JAKMIP2: variants seen among roughly 807,000 people sequenced by gnomAD.
The protein encoded by JAKMIP2 is janus kinase and microtubule-interacting protein 2.
Under a neutral mutation model 115.0 loss-of-function variants are expected in JAKMIP2, and 25 were observed. That is an observed-to-expected ratio of 0.22 (90% CI 0.16 to 0.30). The LOEUF is 0.30. JAKMIP2 is among the 10% of genes least tolerant of loss of function. The pLI is 1.00. For missense variants in JAKMIP2, 642 were observed against 957.6 expected (o/e 0.67, Z 4.35); for synonymous variants, 334 against 343.6 (o/e 0.97, Z 0.31).
At chr5:147,685,042 TAAAAC>T (rs1258577941) in intron 1 of JAKMIP2, among the ~76,000 whole-genome samples, 1 of 152,210 alleles carries the variant, frequency 6.6e-6, no homozygotes, top group African/African-American at 2.4e-5. Context: ...ATTTCATACT[TAAAAC>T]AAGATTATGA....
At chr5:147,719,947 T>C (rs1307551938) in intron 1 of JAKMIP2, among the ~76,000 whole-genome samples, 3 of 152,212 alleles carry the variant, frequency 2.0e-5, no homozygotes, top group African/African-American at 7.2e-5. Context: ...TGAGTCTTGA[T>C]GGTCTTTACA....
At chr5:147,687,120 TACTC>T (rs1433537671) in intron 1 of JAKMIP2, among the ~76,000 whole-genome samples, 2 of 152,198 alleles carry the variant, frequency 1.3e-5, no homozygotes, top group African/African-American at 2.4e-5. Context: ...TTCATCCACT[TACTC>T]ACCTCCTACT....
chr5:147,748,631 T>C (rs958994015), intron 1 of JAKMIP2, among the ~76,000 whole-genome samples: 21 of 152,294 alleles, frequency 1.4e-4, no homozygotes, highest in Non-Finnish European at 2.4e-4. Flanking sequence ...AGATGCTGTC[T>C]TTCCTTTTCT....
intron 18 of JAKMIP2, among the ~76,000 whole-genome samples, chr5:147,618,425 A>C (rs1581298682): frequency 6.9e-6 from 1 of 144,198 alleles, no homozygotes; most frequent in African/African-American, 2.9e-5. Context: ...GCTGAGAATA[A>C]GTGTGTTCTC....
chr5:147,772,002 TG>T (rs1489243245), intron 1 of JAKMIP2, among the ~76,000 whole-genome samples: 3 of 152,196 alleles, frequency 2.0e-5, no homozygotes, highest in East Asian at 3.9e-4. Flanking sequence ...ATAGATTTGC[TG>T]GCACAAATTA....
chr5:147,701,042 G>T (rs1040070524), intron 1 of JAKMIP2, among the ~76,000 whole-genome samples: 5 of 152,104 alleles, frequency 3.3e-5, no homozygotes, highest in Admixed American at 3.3e-4. Flanking sequence ...GTAGAGTCCT[G>T]TAGGCTATGG....
chr5:147,768,339 AC>A (rs1755225616), intron 1 of JAKMIP2, among the ~76,000 whole-genome samples: 1 of 152,154 alleles, frequency 6.6e-6, no homozygotes, highest in Admixed American at 6.5e-5. Context: ...CCCTACACAT[AC>A]GCCTAACTTA....
intron 1 of JAKMIP2, among the ~76,000 whole-genome samples, chr5:147,717,829 AC>A (rs1455561511): frequency 2.1e-5 from 2 of 93,320 alleles, no homozygotes; most frequent in South Asian, 4.7e-4. Context: ...CTAATTGAAT[AC>A]CCTTTATTTC....
At chr5:147,637,120 CAAGT>C (rs745759258) in intron 10 of JAKMIP2, 72 bp from the exon 11 acceptor site, 17 of 809,956 alleles carry the variant, frequency 2.1e-5, no homozygotes, top group Non-Finnish European at 3.5e-5. Flanking sequence ...TAGAACTCAA[CAAGT>C]AAGAGAGAGA....
intron 1 of JAKMIP2, among the ~76,000 whole-genome samples, chr5:147,769,749 C>T (rs1001611882): frequency 2.0e-5 from 3 of 148,932 alleles, no homozygotes; most frequent in Non-Finnish European, 4.5e-5. Context: ...CGCCTGGATC[C>T]TATCCTCCTT....
chr5:147,739,428 T>G (rs560124935), intron 1 of JAKMIP2, among the ~76,000 whole-genome samples: 1 of 152,254 alleles, frequency 6.6e-6, no homozygotes, highest in African/African-American at 2.4e-5. Context: ...AACGAGACTT[T>G]ATTCATAAGA....
intron 1 of JAKMIP2, among the ~76,000 whole-genome samples, chr5:147,707,114 C>G (rs1196100141): frequency 6.6e-6 from 1 of 152,052 alleles, no homozygotes; most frequent in African/African-American, 2.4e-5. Flanking sequence ...TGTGTTAAGT[C>G]TTCACCAAGT....
intron 3 of JAKMIP2, among the ~76,000 whole-genome samples, chr5:147,655,891 G>T (rs535712964): frequency 6.6e-6 from 1 of 152,084 alleles, no homozygotes; most frequent in African/African-American, 2.4e-5. Flanking sequence ...CTGGTACATT[G>T]TCTCTCTGTT....
intron 7 of JAKMIP2, among the ~76,000 whole-genome samples, chr5:147,643,399 A>G (rs1757973503): frequency 6.6e-6 from 1 of 152,056 alleles, no homozygotes; most frequent in African/African-American, 2.4e-5. Context: ...CTGAAGTGAG[A>G]GCAACCAACG....
intron 1 of JAKMIP2, among the ~76,000 whole-genome samples, chr5:147,723,231 A>G (rs1369884921): frequency 1.3e-5 from 2 of 152,168 alleles, no homozygotes; most frequent in Non-Finnish European, 1.5e-5. Flanking sequence ...AGATATACGT[A>G]TATTTTTGTA....
At chr5:147,676,878 T>C (rs12654705) in intron 1 of JAKMIP2, among the ~76,000 whole-genome samples, 21,217 of 152,192 alleles carry the variant, frequency 0.14, 2,044 homozygotes, top group East Asian at 0.44. Flanking sequence ...TATAGTGTAG[T>C]ATTTTAGAGG....
At chr5:147,725,318 A>AC (rs1259448902) in intron 1 of JAKMIP2, among the ~76,000 whole-genome samples, 61 of 152,236 alleles carry the variant, frequency 4.0e-4, no homozygotes, top group African/African-American at 1.4e-3. Context: ...TTTAAGTATA[A>AC]ACAGGTGAGC....
rs1044347136 is a variant in JAKMIP2 at position 147,585,621 on chromosome 5, A to C, written c.*6086T>G. The C allele has an allele frequency of 1.3e-5, 2 of 152,222 alleles. No homozygotes were observed. The highest frequency in any genetic ancestry group is 2.9e-5 in the Non-Finnish European group (2 of 68,040). 9.4% of individuals were successfully genotyped at this position (152,222 alleles called of 1,614,324 possible). ...CATATTCGGTGTACTTCAGAGGATCATTCTGGTGAAACTCAGTCAATTTTT... is the reference window on the plus strand; with the variant it reads ...CATATTCGGTGTACTTCAGAGGATCCTTCTGGTGAAACTCAGTCAATTTTT... On this transcript the variant is annotated 3_prime_UTR_variant, in exon 22 of 22. Coordinates refer to ENST00000616793, the MANE Select transcript of JAKMIP2 (RefSeq NM_001270941.2).
intron 1 of JAKMIP2, among the ~76,000 whole-genome samples, chr5:147,720,176 C>A (rs1753206489): frequency 6.6e-6 from 1 of 152,126 alleles, no homozygotes; most frequent in Admixed American, 6.5e-5. Flanking sequence ...GAATATTGGC[C>A]CCCACTCTCT....
Sources: gnomAD v4.1 joint callset for allele counts (sites outside exome capture counted in the v4.1 genomes callset) on GRCh38, gnomAD v4.1.1 for gene constraint, MANE v1.5 for transcripts, NCBI Gene and HGNC (gene_info 2026-07-23, HGNC 2026-07-21) for gene names.